The following CDK14 variants were observed in gnomAD, a reference collection of about 807,000 sequenced individuals.
CDK14 encodes cyclin-dependent kinase 14.
In CDK14, 34 loss-of-function variants were observed where a neutral mutation model predicts 60.7. That is an observed-to-expected ratio of 0.56 (90% CI 0.43 to 0.75). CDK14 has a LOEUF of 0.75. CDK14 is among the 30% of genes least tolerant of loss of function. CDK14 has a pLI of 0.00. For synonymous variants in CDK14, 197 were observed against 203.7 expected, an observed-to-expected ratio of 0.97 and a Z score of 0.28; for missense variants, 482 against 564.1, an observed-to-expected ratio of 0.85 and a Z score of 1.47.
chr7:90,763,573 C>T lies in CDK14; in HGVS notation c.464+15798C>T, dbSNP rs117701620. ...TCTGTTCTGAACATATATTTGCTGA[C>T]TCCTTTTTGGGTTAATTTCATTAGA... On this transcript the variant is annotated intron_variant, in intron 4 of 14. Transcript: ENST00000380050. 1.8e-3 allele frequency among the ~76,000 whole-genome samples: 278 copies of T among 150,794 alleles called. 2 individuals are homozygous for T. The highest frequency in any genetic ancestry group is 2.8e-3 in the Non-Finnish European group (193 of 67,902).
At chr7:90,961,918 C>G (rs560514491) in intron 9 of CDK14, among the ~76,000 whole-genome samples, 1 of 152,334 alleles carries the variant, frequency 6.6e-6, no homozygotes, top group South Asian at 2.1e-4. Flanking sequence ...CATGTGGTCA[C>G]CTTTCTCATA....
chr7:91,179,092 T>C (rs1801893583), intron 14 of CDK14, among the ~76,000 whole-genome samples: 1 of 151,916 alleles, frequency 6.6e-6, no homozygotes, highest in African/African-American at 2.4e-5. Flanking sequence ...ATTAAGAAAA[T>C]GTGGCACATA....
At chr7:90,692,761 A>G (rs1801577702) in intron 2 of CDK14, 1 of 628,054 alleles carries the variant, frequency 1.6e-6, no homozygotes, top group Non-Finnish European at 2.0e-6. Flanking sequence ...ATATTGTTAT[A>G]TTTGCTAAAA....
chr7:90,818,522 T>G (rs1789434378), intron 5 of CDK14, among the ~76,000 whole-genome samples: 2 of 152,222 alleles, frequency 1.3e-5, no homozygotes, highest in South Asian at 4.1e-4. Context: ...TTCTGGATAC[T>G]TCTTATATTC....
chr7:90,806,585 A>C (rs1463960445), intron 5 of CDK14, among the ~76,000 whole-genome samples: 1 of 152,218 alleles, frequency 6.6e-6, no homozygotes, highest in East Asian at 1.9e-4. Context: ...CTGAGGTACC[A>C]GGTTCATCTC....
chr7:90,633,933 T>A (rs893343838), intron 2 of CDK14, among the ~76,000 whole-genome samples: 2 of 152,182 alleles, frequency 1.3e-5, no homozygotes, highest in Admixed American at 1.3e-4. Flanking sequence ...TGAATATATT[T>A]GTACTTTGTT....
chr7:91,123,397 G>A (rs539453192), intron 14 of CDK14, among the ~76,000 whole-genome samples: 2 of 151,962 alleles, frequency 1.3e-5, no homozygotes, highest in South Asian at 4.2e-4. Context: ...TTGAAATGAC[G>A]CTTAGAGGGG....
chr7:91,045,117 TC>T (rs1274488195), intron 10 of CDK14, among the ~76,000 whole-genome samples: 1 of 152,124 alleles, frequency 6.6e-6, no homozygotes, highest in Non-Finnish European at 1.5e-5. Flanking sequence ...ACCCTGAATC[TC>T]CCCTTTCTAG....
chr7:90,725,631 A>G (rs1301653080), intron 2 of CDK14, among the ~76,000 whole-genome samples: 2 of 152,200 alleles, frequency 1.3e-5, no homozygotes, highest in African/African-American at 4.8e-5. Flanking sequence ...GCATTCTAAA[A>G]ACAATTTTAT....
At chr7:90,962,636 T>A (rs149760676) in intron 9 of CDK14, among the ~76,000 whole-genome samples, 59 of 152,322 alleles carry the variant, frequency 3.9e-4, no homozygotes, top group African/African-American at 1.4e-3. Context: ...TGATAATATG[T>A]AAAATGAGGC....
At chr7:90,930,799 G>A (rs892469222) in intron 8 of CDK14, among the ~76,000 whole-genome samples, 1 of 152,028 alleles carries the variant, frequency 6.6e-6, no homozygotes, top group East Asian at 1.9e-4. Flanking sequence ...TAATCCTGTG[G>A]AGTAGAGAGT....
At chr7:90,858,070 A>G (rs750935386) in intron 5 of CDK14, among the ~76,000 whole-genome samples, 9 of 152,222 alleles carry the variant, frequency 5.9e-5, no homozygotes, top group Non-Finnish European at 1.3e-4. Flanking sequence ...AAAAGTTTAT[A>G]TAAATATGTT....
intron 14 of CDK14, among the ~76,000 whole-genome samples, chr7:91,191,581 G>A (rs11976369): frequency 0.056 from 8,554 of 151,526 alleles, 867 homozygotes; most frequent in East Asian, 0.47. Context: ...CTTATTTTCA[G>A]AGTAGTTCTT....
intron 10 of CDK14, among the ~76,000 whole-genome samples, chr7:90,987,134 T>C (rs1795394708): frequency 6.6e-6 from 1 of 152,026 alleles, no homozygotes; most frequent in African/African-American, 2.4e-5. Flanking sequence ...AAGTAATTTC[T>C]GTTGGGTAAT....
Position 91,208,827 on chromosome 7 carries a change from A to G in CDK14, c.*1691A>G, listed in dbSNP as rs759614120. 2 of 152,784 alleles carry G rather than the reference A, an allele frequency of 1.3e-5. No homozygotes were observed. Among genetic ancestry groups the G allele is most frequent in the Non-Finnish European group, 1.5e-5 (1 of 68,030 alleles). 9.5% of individuals were successfully genotyped at this position (152,784 alleles called of 1,614,324 possible). Reference sequence around the variant, plus strand: ...TTCATCCTATCCAGATGTAGCATTCATGGTAAACTTTTAAGTGCTAAGCAA... The same window carrying G: ...TTCATCCTATCCAGATGTAGCATTCGTGGTAAACTTTTAAGTGCTAAGCAA... On this transcript the variant is annotated 3_prime_UTR_variant, in exon 15 of 15. Coordinates refer to ENST00000380050, the MANE Select transcript of CDK14 (RefSeq NM_001287135.2).
intron 14 of CDK14, among the ~76,000 whole-genome samples, chr7:91,129,937 C>T (rs1800067343): frequency 6.6e-6 from 1 of 152,070 alleles, no homozygotes; most frequent in South Asian, 2.1e-4. Context: ...ATAAAATATT[C>T]ACTGAAAGTT....
chr7:90,785,245 T>C (rs371012539), intron 4 of CDK14, among the ~76,000 whole-genome samples: 4 of 152,382 alleles, frequency 2.6e-5, no homozygotes, highest in East Asian at 3.9e-4. Flanking sequence ...TTCTAGGTGT[T>C]AGCACATGGA....
At position 91,170,303 on chromosome 7, in the gene CDK14, C is replaced by A. The variant is rs1417728478; in HGVS notation, c.*29-36862C>A. Among the ~76,000 whole-genome samples, 5 of 152,308 alleles carry A rather than the reference C, an allele frequency of 3.3e-5. No homozygotes were observed. The East Asian group carries it at 9.6e-4, about 29-fold the overall frequency. ...ATACTGGATTTTGGGGCTCTTTTAA[C>A]ATTCCCTACATGCTAATTTTATATA... On this transcript the variant is annotated intron_variant, in intron 14 of 14. Coordinates refer to ENST00000380050, the MANE Select transcript of CDK14 (RefSeq NM_001287135.2).
chr7:90,855,421 T>C (rs12532113), intron 5 of CDK14, among the ~76,000 whole-genome samples: 5,018 of 152,298 alleles, frequency 0.033, 113 homozygotes, highest in South Asian at 0.1. Flanking sequence ...AATTCACTTG[T>C]AATAAAAACT....
Sources: allele counts gnomAD v4.1 joint callset (sites outside exome capture counted in the v4.1 genomes callset), GRCh38; gene constraint gnomAD v4.1.1; transcripts MANE v1.5; gene names NCBI Gene and HGNC (gene_info 2026-07-23, HGNC 2026-07-21).